The following IQCE variants were observed in gnomAD, a reference collection of about 807,000 sequenced individuals.
IQCE encodes IQ domain-containing protein E.
In IQCE, 115 loss-of-function variants were observed where a neutral mutation model predicts 96.0. That is an observed-to-expected ratio of 1.20 (90% confidence interval 1.03 to 1.40). The LOEUF is 1.40. Ranked by LOEUF, IQCE falls within the 40% of genes most tolerant of loss-of-function variation. The pLI, the probability that IQCE is intolerant of heterozygous loss-of-function variation, is 0.00. For synonymous variants in IQCE, 412 were observed against 371.2 expected (o/e 1.11, Z -1.26); for missense variants, 1,041 against 909.1 (o/e 1.15, Z -1.87).
chr7:2,598,518 G>T lies in IQCE; in HGVS notation c.1494G>T (p.Trp498Cys). ...TPSSRHCEQD[W>C]PPDSSEEGLP... ...GCAGCAGGCACTGCGAGCAAGACTG[G>T]CCGCCGGATTCCAGCGAGGAGGGGC... is the stretch of plus-strand genomic sequence containing the variant. Residue 498 changes from tryptophan to cysteine, a missense_variant, in exon 17 of 22, where the codon TGG (tryptophan) becomes TGT (cysteine). Physicochemically the swap from Trp to Cys is radical, Grantham distance 215. Coordinates refer to ENST00000402050, the MANE Select transcript of IQCE (RefSeq NM_152558.5). 4 of 1,610,928 alleles carry T rather than the reference G, an allele frequency of 2.5e-6. No individual in the cohort carries two copies. Among genetic ancestry groups the T allele is most frequent in the Non-Finnish European group, 3.4e-6 (4 of 1,178,688 alleles).
intron 21 of IQCE, 88 bp downstream of exon 21, chr7:2,607,315 C>T (rs1041785162): frequency 2.5e-6 from 4 of 1,577,256 alleles, no homozygotes; most frequent in Non-Finnish European, 3.4e-6. Flanking sequence ...GAAGCCCGGG[C>T]TGTGTCGGGA....
chr7:2,594,759 C>A, intron 15 of IQCE, 127 bp from the exon 16 acceptor site: 1 of 719,656 alleles, frequency 1.4e-6, no homozygotes, highest in South Asian at 1.6e-5. Flanking sequence ...CATGGCCCCA[C>A]CAGCTCTCTA....
intron 1 of IQCE, among the ~76,000 whole-genome samples, chr7:2,564,632 TTC>T (rs1781227624): frequency 6.6e-6 from 1 of 152,200 alleles, no homozygotes; most frequent in South Asian, 2.1e-4. Flanking sequence ...GTGAATTCCT[TTC>T]TTTTGTTGAT....
rs1290951173 is a variant in IQCE at position 2,598,629 on chromosome 7, C to A, written c.1605C>A (p.His535Gln). The change falls in exon 17 of 22, where the codon CAC becomes CAA. Residue 535 changes from histidine to glutamine, a missense_variant. By Grantham distance (24) the His-to-Gln change is conservative. Transcript: ENST00000402050. ...VLQAQWKVYK[H>Q]KKKKAVLDEA... is the part of the protein sequence containing the mutation. ...AGGCCCAGTGGAAGGTGTACAAGCA[C>A]AAGGTGAGGCTCCCCGGGGCGACCC... is the stretch of plus-strand genomic sequence containing the variant. The A allele has an allele frequency of 5.2e-6, 8 of 1,542,814 alleles. No homozygotes were observed. Among genetic ancestry groups the A allele is most frequent in the Non-Finnish European group, 6.1e-6 (7 of 1,144,372 alleles).
At chr7:2,567,412 C>G (rs991342033) in intron 2 of IQCE, among the ~76,000 whole-genome samples, 4 of 152,258 alleles carry the variant, frequency 2.6e-5, no homozygotes, top group Non-Finnish European at 1.5e-5. Flanking sequence ...TTGCTAGTCC[C>G]TGGCCTGCAG....
chr7:2,593,253 G>T (rs1783754920), intron 15 of IQCE, 127 bp downstream of exon 15: 1 of 1,372,408 alleles, frequency 7.3e-7, no homozygotes, highest in Non-Finnish European at 9.7e-7. Context: ...CCTCCTCACA[G>T]TCTTTCATGG....
Position 2,578,224 on chromosome 7 carries a change from G to A in IQCE, c.466-18G>A, listed in dbSNP as rs761877942. On this transcript the variant is annotated intron_variant, in intron 6 of 21. Coordinates refer to ENST00000402050, the MANE Select transcript of IQCE (RefSeq NM_152558.5). ...CAGCTTCGTGTGGATGGCTGTGCAT[G>A]GCCCTTGTTTTCTTCAGTCATTGCA... 1.9e-6 allele frequency: 3 copies of A among 1,587,412 alleles called. No homozygotes were observed. The highest frequency in any genetic ancestry group is 4.5e-5 in the East Asian group (2 of 44,740).
At chr7:2,601,728 T>C in intron 18 of IQCE, 1 of 407,544 alleles carries the variant, frequency 2.5e-6, no homozygotes. Context: ...TTTTGTATTT[T>C]TAGGAGAGAC....
intron 17 of IQCE, 58 bp from the exon 18 acceptor site, chr7:2,601,383 C>T: frequency 8.4e-7 from 1 of 1,189,936 alleles, no homozygotes; most frequent in Non-Finnish European, 1.2e-6. Context: ...GGAATCAAAA[C>T]CACATTCATC....
chr7:2,602,409 C>G (rs1784495230), intron 18 of IQCE, among the ~76,000 whole-genome samples: 1 of 152,182 alleles, frequency 6.6e-6, no homozygotes, highest in Non-Finnish European at 1.5e-5. Context: ...CTCTGAGATG[C>G]TCCCCTCTCC....
intron 20 of IQCE, among the ~76,000 whole-genome samples, chr7:2,606,389 T>G (rs1784827117): frequency 6.6e-6 from 1 of 152,076 alleles, no homozygotes; most frequent in Non-Finnish European, 1.5e-5. Flanking sequence ...ACACGGCATA[T>G]GACAGGCGAC....
At chr7:2,592,265 T>C (rs1054356926) in intron 14 of IQCE, among the ~76,000 whole-genome samples, 3 of 152,206 alleles carry the variant, frequency 2.0e-5, no homozygotes, top group African/African-American at 7.2e-5. Context: ...TTTGTAAAAA[T>C]TAGTATTTCA....
intron 16 of IQCE, chr7:2,597,172 C>A: frequency 4.3e-6 from 2 of 464,926 alleles, no homozygotes; most frequent in South Asian, 1.6e-5. Flanking sequence ...GGGCTGGAAG[C>A]TTGAAGAATT....
intron 13 of IQCE, among the ~76,000 whole-genome samples, chr7:2,588,940 C>T (rs568966189): frequency 6.6e-6 from 1 of 152,196 alleles, no homozygotes; most frequent in East Asian, 1.9e-4. Flanking sequence ...GCTGGGATTA[C>T]AGTCGTGAGC....
rs752783769 is a variant in IQCE at position 2,567,124 on chromosome 7, C to T, written c.45C>T (p.Asp15=). Residue 15 remains aspartate (D), a synonymous_variant, in exon 2 of 22, where the codon GAC becomes GAT. Coordinates refer to ENST00000402050, the MANE Select transcript of IQCE (RefSeq NM_152558.5). ...TGEPALDTGD[D]SLSAVTFDSD... ...TGCCTCTCTTCCTCCAGGGAGATGA[C>T]AGTCTGTCTGCAGTCACCTTTGACT... is the stretch of plus-strand genomic sequence containing the variant. 14 of 1,613,776 alleles carry T rather than the reference C, an allele frequency of 8.7e-6. No individual in the cohort carries two copies. Among genetic ancestry groups the T allele is most frequent in the Non-Finnish European group, 1.1e-5 (13 of 1,179,772 alleles).
intron 6 of IQCE, among the ~76,000 whole-genome samples, chr7:2,576,865 C>A (rs540411917): frequency 6.6e-6 from 1 of 152,320 alleles, no homozygotes; most frequent in East Asian, 1.9e-4. Flanking sequence ...AAAATGCGAA[C>A]AAAACGGACT....
At chr7:2,602,371 A>C (rs2128469832) in intron 18 of IQCE, among the ~76,000 whole-genome samples, 1 of 152,206 alleles carries the variant, frequency 6.6e-6, no homozygotes, top group South Asian at 2.1e-4. Flanking sequence ...AGAAAGTGAG[A>C]TCTTTATTTT....
chr7:2,579,285 C>G (rs1163543503), intron 8 of IQCE, among the ~76,000 whole-genome samples: 4 of 151,892 alleles, frequency 2.6e-5, no homozygotes, highest in African/African-American at 9.7e-5. Flanking sequence ...TGGAAGAAAA[C>G]CGAAAGGGAT....
At position 2,568,516 on chromosome 7, in the gene IQCE, G is replaced by A. The variant is rs1781540851; in HGVS notation, c.85-438G>A. Among the ~76,000 whole-genome samples the A allele has an allele frequency of 3.3e-5, 5 of 152,346 alleles. No individual in the cohort carries two copies. The South Asian group carries it at 1.0e-3, about 32-fold the overall frequency. ...GTCACAGGAGACCACCTTCCAGACA[G>A]GGTCTCCCTTTGCTCGGCTTTCTTC... On this transcript the variant is annotated intron_variant, in intron 2 of 21. Transcript: ENST00000402050.
Sources: gnomAD v4.1 joint callset for allele counts (sites outside exome capture counted in the v4.1 genomes callset) on GRCh38, gnomAD v4.1.1 for gene constraint, MANE v1.5 for transcripts, NCBI Gene and HGNC (gene_info 2026-07-23, HGNC 2026-07-21) for gene names.